RBM25: variants seen among roughly 807,000 people sequenced by gnomAD.
RBM25 encodes the protein RNA-binding protein 25.
RBM25 carries 19 observed loss-of-function variants against 120.7 expected under a neutral mutation model. The observed-to-expected ratio is 0.16, with a 90% CI of 0.11 to 0.23. The LOEUF is 0.23. RBM25 is among the 10% of genes least tolerant of loss of function. The probability of loss-of-function intolerance (pLI) is 1.00; values close to 1 mark genes in which losing one functional copy is unlikely to be tolerated. For missense variants in RBM25, 605 were observed against 1,041.5 expected (o/e 0.58, Z 5.77); for synonymous variants, 390 against 326.7 (o/e 1.19, Z -2.09).
chr14:73,087,927 A>G, intron 5 of RBM25, 74 bp from the exon 6 acceptor site: 1 of 1,453,088 alleles, frequency 6.9e-7, no homozygotes, highest in Non-Finnish European at 9.4e-7. Flanking sequence ...GACTCTAGTG[A>G]TTCTACTTTT....
chr14:73,104,473 A>G (rs750265301), intron 10 of RBM25, among the ~76,000 whole-genome samples: 6 of 151,652 alleles, frequency 4.0e-5, no homozygotes, highest in Non-Finnish European at 8.8e-5. Context: ...GGCTTAAGCA[A>G]TTCTGCTTCA....
At position 73,119,943 on chromosome 14, in the gene RBM25, T is replaced by C; in HGVS notation, c.*138T>C. On this transcript the variant is annotated 3_prime_UTR_variant, in exon 19 of 19. Coordinates refer to ENST00000261973, the MANE Select transcript of RBM25 (RefSeq NM_021239.3). Reference sequence around the variant, plus strand: ...GTAGAAAATGTGAATTTTTTGGTCCTCTAATTTGTTGTTGCCCTGTGTACT... The same window carrying C: ...GTAGAAAATGTGAATTTTTTGGTCCCCTAATTTGTTGTTGCCCTGTGTACT... The C allele has an allele frequency of 1.5e-6, 2 of 1,317,434 alleles. No individual in the cohort carries two copies. The highest frequency in any genetic ancestry group is 2.0e-6 in the Non-Finnish European group (2 of 1,006,948). 81.6% of individuals were successfully genotyped at this position (1,317,434 alleles called of 1,614,324 possible). A position where few individuals can be genotyped will look rare whatever the true frequency, so the allele number is the denominator to read the frequency against.
chr14:73,117,363 T>A (rs1027759758), intron 18 of RBM25, among the ~76,000 whole-genome samples: 1 of 151,652 alleles, frequency 6.6e-6, no homozygotes, highest in Admixed American at 6.6e-5. Flanking sequence ...TCCCAAGTAG[T>A]TGGGATTACA....
intron 6 of RBM25, among the ~76,000 whole-genome samples, chr14:73,091,981 A>G (rs1053712267): frequency 2.0e-5 from 3 of 152,062 alleles, no homozygotes; most frequent in South Asian, 2.1e-4. Context: ...TATTGTTCCA[A>G]CTGTTATATG....
rs1229238335 is a variant in RBM25 at position 73,109,401 on chromosome 14, G to T, written c.1601G>T (p.Arg534Leu). ...DREKEMEADERDRKREKEELE... is the reference protein window; with the variant it reads ...DREKEMEADELDRKREKEELE... ...GAAAAGGAAATGGAAGCAGATGAACGAGATAGGAAGAGAGAGAAGGAGGAG... is the reference window on the plus strand; with the variant it reads ...GAAAAGGAAATGGAAGCAGATGAACTAGATAGGAAGAGAGAGAAGGAGGAG... Residue 534 changes from arginine to leucine, a missense_variant, in exon 14 of 19, where the codon CGA becomes CTA. Arg to Leu is a moderately radical substitution (Grantham distance 102). Transcript: ENST00000261973. The T allele has an allele frequency of 1.2e-6, 2 of 1,614,028 alleles. No homozygotes were observed. The highest frequency in any genetic ancestry group is 1.7e-6 in the Non-Finnish European group (2 of 1,180,024).
chr14:73,067,067 A>ATTTT (rs375705058), intron 1 of RBM25, among the ~76,000 whole-genome samples: 9 of 131,198 alleles, frequency 6.9e-5, no homozygotes, highest in Non-Finnish European at 9.7e-5. Flanking sequence ...GATACATATA[A>ATTTT]TTTTTTTTTT....
intron 6 of RBM25, among the ~76,000 whole-genome samples, chr14:73,089,941 C>A: frequency 6.6e-6 from 1 of 152,084 alleles, no homozygotes; most frequent in Non-Finnish European, 1.5e-5. Context: ...AGCCACTCCA[C>A]CCGGTCAGCA....
At chr14:73,086,812 C>T (rs1895696837) in intron 5 of RBM25, among the ~76,000 whole-genome samples, 1 of 152,166 alleles carries the variant, frequency 6.6e-6, no homozygotes, top group African/African-American at 2.4e-5. Context: ...TCAAGCAATT[C>T]TCCTTCCTTA....
chr14:73,100,214 T>G (rs1264443504), intron 9 of RBM25: 7 of 615,398 alleles, frequency 1.1e-5, no homozygotes, highest in Non-Finnish European at 2.1e-5. Flanking sequence ...GGTCAGTGGT[T>G]ACCAGACTTA....
intron 1 of RBM25, among the ~76,000 whole-genome samples, chr14:73,067,290 C>T (rs1895161859): frequency 6.6e-6 from 1 of 151,970 alleles, no homozygotes. Context: ...CAGATGCATA[C>T]AGTTATATGT....
Position 73,068,182 on chromosome 14 carries a change from T to C in RBM25, c.-15-3445T>C, listed in dbSNP as rs28716686. On this transcript the variant is annotated intron_variant, in intron 1 of 18. Transcript: ENST00000261973. ...TGGATGCTTTAGTGGTCTCTTGATA[T>C]GTGGAAAGCCTTGTTTTGGAACAAA... 1.1e-5 allele frequency: 9 copies of C among 846,484 alleles called. No individual in the cohort carries two copies. In the East Asian group the frequency reaches 1.7e-4, roughly 16 times the overall value. The allele number at this position is 846,484 out of a possible 1,614,324, so 52.4% of individuals were successfully genotyped here.
chr14:73,118,869 A>G (rs1244863339), intron 18 of RBM25, among the ~76,000 whole-genome samples: 1 of 151,920 alleles, frequency 6.6e-6, no homozygotes, highest in Non-Finnish European at 1.5e-5. Context: ...CCCAGGTTCA[A>G]GCGATTCTCC....
At chr14:73,077,998 T>C (rs1895464896) in intron 4 of RBM25, among the ~76,000 whole-genome samples, 1 of 151,588 alleles carries the variant, frequency 6.6e-6, no homozygotes, top group African/African-American at 2.4e-5. Context: ...GACACATCTT[T>C]ACAAAAAATT....
At position 73,109,385 on chromosome 14, in the gene RBM25, A is replaced by G; in HGVS notation, c.1585A>G (p.Met529Val). Residue 529 changes from methionine to valine, a missense_variant, in exon 14 of 19, where the codon ATG becomes GTG. Around this residue, in one of 4 missense-constraint regions of RBM25, gnomAD observed 465 missense variants for 741.6 expected, o/e 0.63. Coordinates refer to ENST00000261973, the MANE Select transcript of RBM25 (RefSeq NM_021239.3). ...QKRLRDREKE[M>V]EADERDRKRE... ...AAGGTTGCGTGATAGAGAAAAGGAA[A>G]TGGAAGCAGATGAACGAGATAGGAA... 6.2e-7 allele frequency: 1 copy of G among 1,614,194 alleles called. No individual in the cohort carries two copies.
At chr14:73,070,979 C>T (rs1373598148) in intron 1 of RBM25, among the ~76,000 whole-genome samples, 3 of 148,116 alleles carry the variant, frequency 2.0e-5, no homozygotes, top group African/African-American at 5.0e-5. Context: ...TGGTGGCTCA[C>T]GCCTGTAATC....
chr14:73,067,889 G>A (rs1436109191), intron 1 of RBM25, among the ~76,000 whole-genome samples: 6 of 151,788 alleles, frequency 4.0e-5, no homozygotes, highest in African/African-American at 1.2e-4. Flanking sequence ...GTGAGCCACC[G>A]CGCCCGGCCT....
chr14:73,066,247 C>T (rs1281291847), intron 1 of RBM25, among the ~76,000 whole-genome samples: 1 of 152,178 alleles, frequency 6.6e-6, no homozygotes, highest in East Asian at 1.9e-4. Flanking sequence ...AACACATTTA[C>T]AGTCTTGCAA....
At chr14:73,106,161 AAATTTT>A in intron 11 of RBM25, 29 bp from the exon 12 acceptor site, 1 of 1,577,436 alleles carries the variant, frequency 6.3e-7, no homozygotes, top group Non-Finnish European at 8.6e-7. Context: ...TGCTATGTAT[AAATTTT>A]TAAAGCTTTG....
Position 73,123,348 on chromosome 14 carries a change from CT to C in RBM25, c.*3548del, listed in dbSNP as rs1383575241. On this transcript the variant is annotated 3_prime_UTR_variant, in exon 19 of 19. Transcript: ENST00000261973. Reference sequence around the variant, plus strand: ...TTAGATGAGGCTTATTTTCCCAACTCTTTTTAACAGGTTTTATGATATCCCC... The same window carrying C: ...TTAGATGAGGCTTATTTTCCCAACTCTTTTAACAGGTTTTATGATATCCCC... 4 of 152,202 alleles carry C rather than the reference CT, an allele frequency of 2.6e-5. No individual in the cohort carries two copies. Among genetic ancestry groups the C allele is most frequent in the East Asian group, 3.9e-4 (2 of 5,192 alleles). 9.4% of individuals were successfully genotyped at this position (152,202 alleles called of 1,614,324 possible).
Sources: gnomAD v4.1 joint callset for allele counts (sites outside exome capture counted in the v4.1 genomes callset) on GRCh38, gnomAD v4.1.1 for gene constraint, gnomAD v4.1.1 regional missense constraint, MANE v1.5 for transcripts, NCBI Gene and HGNC (gene_info 2026-07-23, HGNC 2026-07-21) for gene names.